The following ARB2A variants were observed in gnomAD, a reference collection of about 807,000 sequenced individuals.
ARB2A encodes ARB2 cotranscriptional regulator A.
chr5:93,642,582 C>T, the ARB2A span, among the ~76,000 whole-genome samples: 1 of 152,066 alleles, frequency 6.6e-6, no homozygotes, highest in Admixed American at 6.6e-5. Flanking sequence ...CATTTTTGGC[C>T]AGGCTGATCT....
chr5:93,627,823 C>G, the ARB2A span, among the ~76,000 whole-genome samples: 1 of 152,118 alleles, frequency 6.6e-6, no homozygotes, highest in Admixed American at 6.5e-5. Context: ...GTTGTGTTAG[C>G]AGGAATGAAA....
At chr5:94,086,653 A>G in the ARB2A span, among the ~76,000 whole-genome samples, 3 of 152,268 alleles carry the variant, frequency 2.0e-5, no homozygotes, top group South Asian at 6.2e-4. Flanking sequence ...CCTGGATTCA[A>G]GCGATTCTCC....
At chr5:93,633,816 A>G in the ARB2A span, among the ~76,000 whole-genome samples, 1 of 152,050 alleles carries the variant, frequency 6.6e-6, no homozygotes, top group Non-Finnish European at 1.5e-5. Context: ...CCCTGTCTAT[A>G]TATATCTGAG....
At chr5:93,792,424 C>A in the ARB2A span, among the ~76,000 whole-genome samples, 1 of 151,882 alleles carries the variant, frequency 6.6e-6, no homozygotes, top group Non-Finnish European at 1.5e-5. Context: ...GAAAAAAATT[C>A]TAGGTAATAG....
the ARB2A span, among the ~76,000 whole-genome samples, chr5:93,958,142 A>C: frequency 6.6e-6 from 1 of 152,198 alleles, no homozygotes; most frequent in African/African-American, 2.4e-5. Context: ...CTTGAACACA[A>C]TTTAAAAATA....
chr5:93,627,223 A>G, the ARB2A span, among the ~76,000 whole-genome samples: 1 of 152,102 alleles, frequency 6.6e-6, no homozygotes, highest in Non-Finnish European at 1.5e-5. Context: ...CCTTTACTGA[A>G]TCTTGAATCC....
At chr5:93,912,817 T>C in the ARB2A span, among the ~76,000 whole-genome samples, 1 of 151,812 alleles carries the variant, frequency 6.6e-6, no homozygotes, top group African/African-American at 2.4e-5. Flanking sequence ...GAACACAACA[T>C]CTTAGAATAT....
At chr5:93,986,884 C>T in the ARB2A span, among the ~76,000 whole-genome samples, 8 of 152,050 alleles carry the variant, frequency 5.3e-5, no homozygotes, top group African/African-American at 1.7e-4. Flanking sequence ...CTGCAGAAGG[C>T]CGCAGGGTCC....
At chr5:93,804,445 T>C in the ARB2A span, among the ~76,000 whole-genome samples, 1 of 151,898 alleles carries the variant, frequency 6.6e-6, no homozygotes, top group Non-Finnish European at 1.5e-5. Context: ...TAATAGACTC[T>C]TATTATACCA....
chr5:93,646,237 A>C, the ARB2A span, among the ~76,000 whole-genome samples: 1 of 152,130 alleles, frequency 6.6e-6, no homozygotes. Flanking sequence ...AAAAATAAGA[A>C]TCTTCATATT....
chr5:94,082,966 A>G, the ARB2A span, among the ~76,000 whole-genome samples: 1 of 152,220 alleles, frequency 6.6e-6, no homozygotes, highest in African/African-American at 2.4e-5. Context: ...CACATAATAC[A>G]TATCTTACCT....
the ARB2A span, among the ~76,000 whole-genome samples, chr5:93,882,701 A>G: frequency 2.0e-5 from 3 of 151,306 alleles, no homozygotes; most frequent in African/African-American, 7.3e-5. Context: ...TTTTCTATTC[A>G]GTTATGTGTT....
the ARB2A span, among the ~76,000 whole-genome samples, chr5:93,959,473 TA>T: frequency 6.6e-6 from 1 of 151,918 alleles, no homozygotes; most frequent in African/African-American, 2.4e-5. Context: ...GCACCTATAA[TA>T]AAAAATAGAA....
At chr5:93,820,258 T>G in the ARB2A span, among the ~76,000 whole-genome samples, 1 of 152,180 alleles carries the variant, frequency 6.6e-6, no homozygotes, top group African/African-American at 2.4e-5. Flanking sequence ...AGGTAAGGTG[T>G]GCTGAGATCA....
chr5:93,770,704 T>C, the ARB2A span, among the ~76,000 whole-genome samples: 8 of 152,160 alleles, frequency 5.3e-5, no homozygotes, highest in East Asian at 1.9e-4. Context: ...CCATTCACAA[T>C]TGCTTCAAAG....
At chr5:93,881,187 T>A in the ARB2A span, 1 of 259,220 alleles carries the variant, frequency 3.9e-6, no homozygotes, top group Non-Finnish European at 7.5e-6. Flanking sequence ...TCTGCATCCA[T>A]CACAATAAAA....
At chr5:94,006,534 A>T in the ARB2A span, among the ~76,000 whole-genome samples, 1 of 152,172 alleles carries the variant, frequency 6.6e-6, no homozygotes, top group Admixed American at 6.5e-5. Context: ...GAAACAGGAT[A>T]AAGATCCACA....
At chr5:94,063,513 G>A in the ARB2A span, among the ~76,000 whole-genome samples, 2 of 152,034 alleles carry the variant, frequency 1.3e-5, no homozygotes, top group African/African-American at 2.4e-5. Flanking sequence ...TGACCCACTG[G>A]TGCCACTATA....
At chr5:93,899,181 T>C in the ARB2A span, among the ~76,000 whole-genome samples, 3 of 152,092 alleles carry the variant, frequency 2.0e-5, no homozygotes, top group East Asian at 3.9e-4. Context: ...GTAATGACCA[T>C]ATGTCACCCC....
Sources: gnomAD v4.1 joint callset for allele counts (sites outside exome capture counted in the v4.1 genomes callset) on GRCh38, gnomAD v4.1.1 for gene constraint, MANE v1.5 for transcripts, NCBI Gene and HGNC (gene_info 2026-07-23, HGNC 2026-07-21) for gene names.